Variants in SMARCC1 observed in about 807,000 individuals in gnomAD.
SMARCC1 encodes the protein SWI/SNF related BAF chromatin remodeling complex subunit C1, also known as SWI/SNF complex subunit SMARCC1.
A neutral mutation model predicts 147.4 loss-of-function variants in SMARCC1; 43 were observed. The ratio of observed to expected loss-of-function variants is 0.29; its 90% confidence interval spans 0.23 to 0.38. The LOEUF (loss-of-function observed/expected upper bound fraction) is 0.38. Among genes scored for constraint, SMARCC1 ranks in the 10% least tolerant of loss-of-function variants. The pLI is 1.00. For synonymous variants in SMARCC1, 495 were observed against 484.4 expected (o/e 1.02, Z -0.29); for missense variants, 1,119 against 1,381.1 (o/e 0.81, Z 3.01).
rs932641251 is a variant in SMARCC1, at chr3:47,598,343, C to A, written c.3044-7506G>T. Among the ~76,000 whole-genome samples, 15 of 152,252 alleles carry A rather than the reference C, an allele frequency of 9.9e-5. No homozygotes were observed. In the South Asian group the frequency reaches 2.5e-3, roughly 25 times the overall value. ...AACACTCCTAATGGACTTGTTGTGA[C>A]AAAGGGAAGCCATATACTAGGAGAA... On this transcript the variant is annotated intron_variant, in intron 26 of 27. Coordinates refer to ENST00000254480, the MANE Select transcript of SMARCC1 (RefSeq NM_003074.4).
chr3:47,603,811 CAACTGGATACCAGA>C (rs1488848355), intron 26 of SMARCC1: 3 of 319,866 alleles, frequency 9.4e-6, no homozygotes, highest in African/African-American at 4.4e-5. Flanking sequence ...TTCCATTTGC[CAACTGGATACCAGA>C]AACATTCTAC....
At chr3:47,684,460 G>A (rs2033696087) in intron 14 of SMARCC1, among the ~76,000 whole-genome samples, 1 of 147,846 alleles carries the variant, frequency 6.8e-6, no homozygotes, top group Admixed American at 6.7e-5. Context: ...TTTTTTGGGA[G>A]ACAGAGTATT....
intron 2 of SMARCC1, among the ~76,000 whole-genome samples, chr3:47,768,824 T>C (rs2034872270): frequency 6.6e-6 from 1 of 152,192 alleles, no homozygotes; most frequent in South Asian, 2.1e-4. Context: ...AAATGTTAAC[T>C]GTAGATTCTG....
chr3:47,729,264 A>G (rs191532638), intron 5 of SMARCC1, among the ~76,000 whole-genome samples, 170 bp from the exon 6 acceptor site: 14 of 152,346 alleles, frequency 9.2e-5, no homozygotes, highest in Admixed American at 9.2e-4. Context: ...TAACAACAAT[A>G]AACCAAAAAA....
At chr3:47,604,908 A>G (rs969836899) in intron 26 of SMARCC1, among the ~76,000 whole-genome samples, 20 of 152,154 alleles carry the variant, frequency 1.3e-4, no homozygotes, top group Non-Finnish European at 2.5e-4. Context: ...CATGTTGGCC[A>G]GGCACTGGTC....
chr3:47,623,016 C>T (rs1162886125), intron 24 of SMARCC1, among the ~76,000 whole-genome samples: 4 of 152,184 alleles, frequency 2.6e-5, no homozygotes, highest in Middle Eastern at 3.4e-3. Flanking sequence ...AGCTAGTAAT[C>T]AATCCCACCC....
chr3:47,775,599 C>T (rs1488867840), intron 1 of SMARCC1, among the ~76,000 whole-genome samples: 1 of 151,120 alleles, frequency 6.6e-6, no homozygotes, highest in Non-Finnish European at 1.5e-5. Flanking sequence ...CAGTGAAACC[C>T]CGTCTCTACT....
chr3:47,663,820 G>A, intron 19 of SMARCC1: 1 of 1,583,656 alleles, frequency 6.3e-7, no homozygotes, highest in South Asian at 1.1e-5. Context: ...CCTTCCACCG[G>A]GGCAACAGCC....
At chr3:47,677,700 G>A (rs1464692555) in intron 16 of SMARCC1, among the ~76,000 whole-genome samples, 3 of 151,570 alleles carry the variant, frequency 2.0e-5, no homozygotes, top group Non-Finnish European at 2.9e-5. Flanking sequence ...GTGCCACCAC[G>A]CTTGGCTAAT....
At chr3:47,751,674 C>T (rs1330159529) in intron 2 of SMARCC1, among the ~76,000 whole-genome samples, 1 of 151,954 alleles carries the variant, frequency 6.6e-6, no homozygotes, top group Non-Finnish European at 1.5e-5. Context: ...CGAGACCCGC[C>T]TGGGTAACAC....
intron 3 of SMARCC1, among the ~76,000 whole-genome samples, chr3:47,740,670 C>G (rs978769693): frequency 6.6e-6 from 1 of 151,914 alleles, no homozygotes; most frequent in Non-Finnish European, 1.5e-5. Flanking sequence ...GTGCACAATG[C>G]TGATACAGCC....
chr3:47,725,032 C>CAAAAAAAAA (rs35548192), intron 6 of SMARCC1, among the ~76,000 whole-genome samples: 7 of 31,622 alleles, frequency 2.2e-4, no homozygotes, highest in East Asian at 1.2e-3. Context: ...ACTGTCTCCA[C>CAAAAAAAAA]AAAAAAAAAA....
intron 2 of SMARCC1, among the ~76,000 whole-genome samples, chr3:47,770,682 A>G (rs2034902325): frequency 6.6e-6 from 1 of 152,098 alleles, no homozygotes; most frequent in African/African-American, 2.4e-5. Context: ...TATAAATTAA[A>G]ATTAAAAAAA....
At chr3:47,659,166 A>AG (rs2033304277) in intron 21 of SMARCC1, among the ~76,000 whole-genome samples, 1 of 151,636 alleles carries the variant, frequency 6.6e-6, no homozygotes, top group African/African-American at 2.4e-5. Flanking sequence ...AGTAATCAAG[A>AG]AAGTAAGAAA....
intron 1 of SMARCC1, among the ~76,000 whole-genome samples, chr3:47,774,882 C>T (rs1411813452): frequency 2.6e-5 from 4 of 151,848 alleles, no homozygotes; most frequent in Non-Finnish European, 5.9e-5. Context: ...TGACAGCCAC[C>T]GCAGCCTCAA....
At chr3:47,664,996 A>AT (rs34171401) in intron 19 of SMARCC1, among the ~76,000 whole-genome samples, 40,858 of 151,560 alleles carry the variant, frequency 0.27, 6,081 homozygotes, top group South Asian at 0.42. Flanking sequence ...TACTTCAAAG[A>AT]TTTTTTTTTC....
intron 2 of SMARCC1, among the ~76,000 whole-genome samples, chr3:47,764,608 C>T (rs1355450031): frequency 6.6e-6 from 1 of 152,120 alleles, no homozygotes; most frequent in Non-Finnish European, 1.5e-5. Flanking sequence ...GAATACTAGT[C>T]CATGTCTCCA....
chr3:47,686,059 C>G lies in SMARCC1; in HGVS notation c.1375G>C (p.Asp459His). The G allele has an allele frequency of 1.9e-6, 3 of 1,612,668 alleles. No individual in the cohort carries two copies. The highest frequency in any genetic ancestry group is 2.2e-5 in the East Asian group (1 of 44,828). Reference sequence around the variant, plus strand: ...AAGTGGTCCACTCACCAGTTATAATCAAACCATGATGCATAACTAGGAATA... The same window carrying G: ...AAGTGGTCCACTCACCAGTTATAATGAAACCATGATGCATAACTAGGAATA... ...IIIPSYASWF[D>H]YNCIHVIERR... The change falls in exon 14 of 28, where the codon GAT (aspartate) becomes CAT (histidine). Residue 459 changes from aspartate to histidine, a missense_variant. By Grantham distance (81) the Asp-to-His change is moderately conservative (BLOSUM62 -1). This residue lies in a region of SMARCC1 where 542 missense variants were observed against 611.8 expected (regional missense o/e 0.89). Coordinates refer to ENST00000254480, the MANE Select transcript of SMARCC1 (RefSeq NM_003074.4).
chr3:47,674,825 C>T (rs559265537), intron 18 of SMARCC1, among the ~76,000 whole-genome samples: 1 of 152,214 alleles, frequency 6.6e-6, no homozygotes, highest in African/African-American at 2.4e-5. Flanking sequence ...TCAAGTATCA[C>T]TCCTCCTCCA....
Sources: allele counts gnomAD v4.1 joint callset (sites outside exome capture counted in the v4.1 genomes callset), GRCh38; gene constraint gnomAD v4.1.1; regional missense constraint gnomAD v4.1.1; transcripts MANE v1.5; gene names NCBI Gene and HGNC (gene_info 2026-07-23, HGNC 2026-07-21).